Variants in LSAMP observed in about 807,000 individuals in gnomAD.
LSAMP encodes the protein limbic system associated membrane protein.
Under a neutral mutation model 38.6 loss-of-function variants are expected in LSAMP, and 7 were observed. The ratio of observed to expected loss-of-function variants is 0.18; its 90% CI spans 0.10 to 0.34. The LOEUF (loss-of-function observed/expected upper bound fraction) is 0.34, where lower values mean the gene tolerates loss of function less well. Ranked by LOEUF, LSAMP falls within the 10% of genes least tolerant of loss-of-function variation. The pLI, the probability that LSAMP is intolerant of heterozygous loss-of-function variation, is 1.00. For synonymous variants in LSAMP, 154 were observed against 166.8 expected (o/e 0.92, Z 0.59); for missense variants, 313 against 420.0 (o/e 0.75, Z 2.23).
chr3:116,014,182 A>G (rs1039306803), intron 3 of LSAMP, among the ~76,000 whole-genome samples: 1 of 152,180 alleles, frequency 6.6e-6, no homozygotes, highest in Admixed American at 6.5e-5. Context: ...TTATATCTGG[A>G]TAAGCCCATC....
At chr3:116,089,365 GT>G (rs1708067089) in intron 1 of LSAMP, among the ~76,000 whole-genome samples, 1 of 151,740 alleles carries the variant, frequency 6.6e-6, no homozygotes, top group Non-Finnish European at 1.5e-5. Flanking sequence ...TTTTTGTTTT[GT>G]TTTGTTTTTG....
chr3:116,134,235 G>C (rs901908323), intron 1 of LSAMP, among the ~76,000 whole-genome samples: 3 of 151,982 alleles, frequency 2.0e-5, no homozygotes, highest in African/African-American at 7.3e-5. Context: ...ATCCAACAAG[G>C]AAAATACACC....
At chr3:116,307,126 T>A (rs115604463) in intron 1 of LSAMP, among the ~76,000 whole-genome samples, 1,814 of 152,130 alleles carry the variant, frequency 0.012, 49 homozygotes, top group African/African-American at 0.042. Context: ...TTGCATTTAG[T>A]TAGAAAAAAG....
chr3:115,812,147 G>C (rs1437549760), intron 6 of LSAMP, among the ~76,000 whole-genome samples: 2 of 152,150 alleles, frequency 1.3e-5, no homozygotes, highest in Admixed American at 6.5e-5. Context: ...ATACCTTCTT[G>C]AGAATATTAA....
At chr3:116,121,742 C>T (rs1293626605) in intron 1 of LSAMP, among the ~76,000 whole-genome samples, 1 of 152,104 alleles carries the variant, frequency 6.6e-6, no homozygotes, top group African/African-American at 2.4e-5. Context: ...AATGGTAGAG[C>T]CAGGTCAAGA....
intron 1 of LSAMP, among the ~76,000 whole-genome samples, chr3:116,247,452 T>C (rs928653409): frequency 2.0e-5 from 3 of 152,204 alleles, no homozygotes; most frequent in Non-Finnish European, 2.9e-5. Flanking sequence ...ACTGAAAAAG[T>C]ATTTAAGAAT....
At chr3:116,291,532 T>C (rs1360202414) in intron 1 of LSAMP, among the ~76,000 whole-genome samples, 4 of 152,340 alleles carry the variant, frequency 2.6e-5, no homozygotes, top group Admixed American at 6.5e-5. Context: ...CCAGGATAGA[T>C]GTTTTGTTCT....
At chr3:115,949,015 C>T (rs1439103443) in intron 3 of LSAMP, among the ~76,000 whole-genome samples, 1 of 152,134 alleles carries the variant, frequency 6.6e-6, no homozygotes, top group Non-Finnish European at 1.5e-5. Flanking sequence ...TGCCTGTAAT[C>T]CCAGCACTTT....
At chr3:116,405,249 C>T (rs1221008461) in intron 1 of LSAMP, among the ~76,000 whole-genome samples, 1 of 152,104 alleles carries the variant, frequency 6.6e-6, no homozygotes, top group African/African-American at 2.4e-5. Context: ...GGGGGTGTCT[C>T]ATTTCCTATT....
At chr3:115,985,834 A>G (rs1224827221) in intron 3 of LSAMP, among the ~76,000 whole-genome samples, 3 of 152,202 alleles carry the variant, frequency 2.0e-5, no homozygotes, top group Non-Finnish European at 2.9e-5. Context: ...GACTGTAGCC[A>G]CAGCTGACGG....
intron 1 of LSAMP, among the ~76,000 whole-genome samples, chr3:116,276,247 G>A (rs1162398897): frequency 6.6e-6 from 1 of 152,208 alleles, no homozygotes; most frequent in Non-Finnish European, 1.5e-5. Flanking sequence ...GCTTCATTAT[G>A]TTATAGGTGA....
At chr3:116,202,226 C>T (rs898618433) in intron 1 of LSAMP, among the ~76,000 whole-genome samples, 4 of 151,920 alleles carry the variant, frequency 2.6e-5, no homozygotes, top group Non-Finnish European at 5.9e-5. Context: ...ACCTCCACCT[C>T]CCAGGTTCAA....
At chr3:116,350,398 G>C (rs1340716293) in intron 1 of LSAMP, among the ~76,000 whole-genome samples, 1 of 152,006 alleles carries the variant, frequency 6.6e-6, no homozygotes, top group Admixed American at 6.6e-5. Flanking sequence ...GTTACTCTCA[G>C]CTGCAGTTCG....
chr3:116,171,029 T>G (rs995934846), intron 1 of LSAMP, among the ~76,000 whole-genome samples: 1 of 152,172 alleles, frequency 6.6e-6, no homozygotes, highest in Non-Finnish European at 1.5e-5. Context: ...GCATGAAAAC[T>G]GGAATAAGAT....
chr3:115,986,707 G>T (rs1278849227), intron 3 of LSAMP, among the ~76,000 whole-genome samples: 1 of 151,968 alleles, frequency 6.6e-6, no homozygotes. Context: ...AAAGAGGGGG[G>T]TGGGGGCAGT....
intron 1 of LSAMP, among the ~76,000 whole-genome samples, chr3:116,249,829 T>C (rs2046656508): frequency 6.6e-6 from 1 of 152,002 alleles, no homozygotes; most frequent in Admixed American, 6.6e-5. Context: ...TAGCATATGT[T>C]TATTATTATT....
intron 3 of LSAMP, among the ~76,000 whole-genome samples, chr3:115,891,839 C>A (rs999788063): frequency 4.0e-5 from 6 of 151,892 alleles, no homozygotes; most frequent in Admixed American, 3.9e-4. Flanking sequence ...TTAGTGGCTT[C>A]GGTTATCTTG....
chr3:116,386,787 A>G (rs1046921257), intron 1 of LSAMP, among the ~76,000 whole-genome samples: 1 of 152,070 alleles, frequency 6.6e-6, no homozygotes, highest in East Asian at 1.9e-4. Context: ...CATTCTTTTC[A>G]TTTAGGTAAG....
chr3:116,129,467 A>C (rs1341892094), intron 1 of LSAMP, among the ~76,000 whole-genome samples: 1 of 152,180 alleles, frequency 6.6e-6, no homozygotes, highest in African/African-American at 2.4e-5. Context: ...GTCTCTGCTT[A>C]TATTAGATTT....
Sources: allele counts gnomAD v4.1 joint callset (sites outside exome capture counted in the v4.1 genomes callset), GRCh38; gene constraint gnomAD v4.1.1; transcripts MANE v1.5; gene names NCBI Gene and HGNC (gene_info 2026-07-23, HGNC 2026-07-21).